Variants in STX8 observed in about 807,000 individuals in gnomAD.
The protein encoded by STX8 is syntaxin 8, also known as syntaxin-8.
In STX8, 23 loss-of-function variants were observed where a neutral mutation model predicts 37.5. That is an observed-to-expected ratio of 0.61 (90% CI 0.44 to 0.87). STX8 has a LOEUF of 0.87. Among genes scored for constraint, STX8 ranks in the 40% least tolerant of loss-of-function variants. STX8 has a pLI of 0.00. For synonymous variants in STX8, 115 were observed against 99.1 expected (o/e 1.16, Z -0.95); for missense variants, 313 against 284.7 (o/e 1.10, Z -0.71).
chr17:9,338,742 G>T (rs907008406), intron 7 of STX8, among the ~76,000 whole-genome samples: 2 of 152,154 alleles, frequency 1.3e-5, no homozygotes, highest in African/African-American at 4.8e-5. Context: ...CCCTGAATCG[G>T]TATCTCTGTG....
chr17:9,498,205 C>T (rs1904476394), intron 5 of STX8, among the ~76,000 whole-genome samples: 1 of 152,106 alleles, frequency 6.6e-6, no homozygotes, highest in Non-Finnish European at 1.5e-5. Context: ...GCCTGGCCAA[C>T]ATGGCAAAAT....
intron 2 of STX8, among the ~76,000 whole-genome samples, chr17:9,563,753 A>C (rs1453588271): frequency 6.6e-6 from 1 of 152,194 alleles, no homozygotes; most frequent in Non-Finnish European, 1.5e-5. Flanking sequence ...AAAAAGTTGG[A>C]AAAAGCAACT....
intron 6 of STX8, among the ~76,000 whole-genome samples, chr17:9,416,714 C>T (rs1913211641): frequency 6.6e-6 from 1 of 152,078 alleles, no homozygotes; most frequent in Admixed American, 6.6e-5. Flanking sequence ...CTAAAACAAA[C>T]CCCCTCCTTG....
intron 6 of STX8, among the ~76,000 whole-genome samples, chr17:9,424,970 G>A (rs1005793566): frequency 9.2e-5 from 14 of 152,182 alleles, no homozygotes; most frequent in South Asian, 4.1e-4. Flanking sequence ...GTGCCAGAGT[G>A]TAGAGGATGA....
chr17:9,299,536 C>G (rs1165280888), intron 7 of STX8, among the ~76,000 whole-genome samples: 1 of 150,716 alleles, frequency 6.6e-6, no homozygotes, highest in Non-Finnish European at 1.5e-5. Flanking sequence ...CTCTGCCTCC[C>G]AGGTTCACAC....
intron 7 of STX8, among the ~76,000 whole-genome samples, chr17:9,289,411 C>T (rs1908224607): frequency 6.6e-6 from 1 of 152,024 alleles, no homozygotes; most frequent in Non-Finnish European, 1.5e-5. Flanking sequence ...AGACAGCTAC[C>T]AGTTTGGACT....
intron 7 of STX8, among the ~76,000 whole-genome samples, chr17:9,361,963 T>C (rs894943920): frequency 6.6e-6 from 1 of 152,242 alleles, no homozygotes; most frequent in Non-Finnish European, 1.5e-5. Context: ...AGGAAAGGCA[T>C]CAAATCTGTA....
rs1244919629 is a variant in STX8 at position 9,488,819 on chromosome 17, A to AGTGTGT, written c.541+3009_541+3010insACACAC. Among the ~76,000 whole-genome samples, 763 of 92,490 alleles carry AGTGTGT rather than the reference A, an allele frequency of 8.2e-3. 2 individuals are homozygous for AGTGTGT. Among genetic ancestry groups the AGTGTGT allele is most frequent in the South Asian group, 0.02 (68 of 3,354 alleles). 60.7% of individuals were successfully genotyped at this position (92,490 alleles called of 152,430 possible). On this transcript the variant is annotated intron_variant, in intron 6 of 7. Coordinates refer to ENST00000306357, the MANE Select transcript of STX8 (RefSeq NM_004853.3). Reference sequence around the variant, plus strand: ...GAGAGAAAGAGAGAGAGAGAGAGAGAGAGTGTGTGTGTGTGTGTGTGTGTG... The same window carrying AGTGTGT: ...GAGAGAAAGAGAGAGAGAGAGAGAGAGTGTGTGAGTGTGTGTGTGTGTGTGTGTGTG...
chr17:9,560,063 GAA>G (rs916960040), intron 2 of STX8, among the ~76,000 whole-genome samples: 3 of 150,548 alleles, frequency 2.0e-5, no homozygotes, highest in African/African-American at 7.3e-5. Context: ...CGCCCAGACT[GAA>G]AGATTATTAA....
intron 4 of STX8, among the ~76,000 whole-genome samples, chr17:9,508,979 T>G (rs970056549): frequency 1.3e-5 from 2 of 152,206 alleles, no homozygotes; most frequent in Non-Finnish European, 2.9e-5. Flanking sequence ...CTGGATGTGG[T>G]GGCTCATGCC....
At chr17:9,330,797 C>T (rs903503015) in intron 7 of STX8, among the ~76,000 whole-genome samples, 1 of 152,178 alleles carries the variant, frequency 6.6e-6, no homozygotes, top group Non-Finnish European at 1.5e-5. Context: ...GCAGCTTGCG[C>T]GTAATGGGCC....
intron 7 of STX8, among the ~76,000 whole-genome samples, chr17:9,307,736 C>T (rs8068752): frequency 0.12 from 17,926 of 151,958 alleles, 3,351 homozygotes; most frequent in African/African-American, 0.4. Context: ...CTGAGGGAGA[C>T]TGGGAGGCAT....
chr17:9,349,729 G>GTCTCTC (rs71135969), intron 7 of STX8, among the ~76,000 whole-genome samples: 1 of 148,580 alleles, frequency 6.7e-6, no homozygotes, highest in Non-Finnish European at 1.5e-5. Flanking sequence ...TGTGAATGTG[G>GTCTCTC]TCTCTCTCTC....
chr17:9,360,383 C>T (rs1347329021), intron 7 of STX8, among the ~76,000 whole-genome samples: 1 of 151,484 alleles, frequency 6.6e-6, no homozygotes, highest in Non-Finnish European at 1.5e-5. Context: ...TACAGTCGTG[C>T]ACCACCACGC....
chr17:9,482,811 G>A lies in STX8; in HGVS notation c.541+9018C>T, dbSNP rs1470783327. Among the ~76,000 whole-genome samples, 4 of 152,148 alleles carry A rather than the reference G, an allele frequency of 2.6e-5. No individual in the cohort carries two copies. The East Asian group carries it at 7.7e-4, about 29-fold the overall frequency. On this transcript the variant is annotated intron_variant, in intron 6 of 7. Coordinates refer to ENST00000306357, the MANE Select transcript of STX8 (RefSeq NM_004853.3). ...CACCTGTAATTGCAGTTACTTGGGA[G>A]GCTGAGGCAGAAGAATGGGTTGAAC...
rs1239304828 is a variant in STX8, at chr17:9,329,085, A to T, written c.643+49467T>A. ...AAAAAAAAAAAAAAAAAAAAAAAAGATGGTGTCTGAGTCCCTAATGAATTC... is the reference window on the plus strand; with the variant it reads ...AAAAAAAAAAAAAAAAAAAAAAAAGTTGGTGTCTGAGTCCCTAATGAATTC... On this transcript the variant is annotated intron_variant, in intron 7 of 7. Transcript: ENST00000306357. Among the ~76,000 whole-genome samples, 15 of 137,452 alleles carry T rather than the reference A, an allele frequency of 1.1e-4. No homozygotes were observed. In the East Asian group the frequency reaches 2.3e-3, roughly 21 times the overall value. The allele number at this position is 137,452 out of a possible 152,430, so 90.2% of individuals were successfully genotyped here. A position where few individuals can be genotyped will look rare whatever the true frequency, so the allele number is the denominator to read the frequency against.
intron 4 of STX8, among the ~76,000 whole-genome samples, chr17:9,520,663 T>G (rs1567595548): frequency 6.6e-6 from 1 of 152,186 alleles, no homozygotes; most frequent in Non-Finnish European, 1.5e-5. Flanking sequence ...GAAAATGATG[T>G]ACATTATTTA....
intron 7 of STX8, among the ~76,000 whole-genome samples, chr17:9,314,342 C>G (rs974822024): frequency 6.6e-6 from 1 of 152,194 alleles, no homozygotes; most frequent in Non-Finnish European, 1.5e-5. Context: ...TATACTTATA[C>G]TACAGACTTC....
At chr17:9,515,909 C>T (rs114575082) in intron 4 of STX8, among the ~76,000 whole-genome samples, 472 of 152,146 alleles carry the variant, frequency 3.1e-3, no homozygotes, top group African/African-American at 0.01. Flanking sequence ...TTCAATTTCA[C>T]GTACCTTCGA....
Sources: gnomAD v4.1 joint callset for allele counts (sites outside exome capture counted in the v4.1 genomes callset) on GRCh38, gnomAD v4.1.1 for gene constraint, MANE v1.5 for transcripts, NCBI Gene and HGNC (gene_info 2026-07-23, HGNC 2026-07-21) for gene names.